SPATA6: variants seen among roughly 807,000 people sequenced by gnomAD.
SPATA6 encodes the protein spermatogenesis associated 6, also known as spermatogenesis-associated protein 6.
Under a neutral mutation model 65.3 loss-of-function variants are expected in SPATA6, and 56 were observed. The ratio of observed to expected loss-of-function variants is 0.86; its 90% CI spans 0.69 to 1.07. The LOEUF is 1.07. SPATA6 is among the 50% of genes least tolerant of loss of function. The pLI, the probability that SPATA6 is intolerant of heterozygous loss-of-function variation, is 0.00. For synonymous variants in SPATA6, 199 were observed against 213.2 expected (o/e 0.93, Z 0.58); for missense variants, 590 against 594.8 (o/e 0.99, Z 0.08).
chr1:48,356,006 A>T (rs888582155), intron 10 of SPATA6, among the ~76,000 whole-genome samples: 1 of 152,188 alleles, frequency 6.6e-6, no homozygotes, highest in African/African-American at 2.4e-5. Context: ...ATGCCTTTAC[A>T]TATAGTTCCT....
chr1:48,262,742 G>A, the SPATA6 span: 278 of 152,178 alleles, frequency 1.8e-3, 3 homozygotes, highest in African/African-American at 6.4e-3. Flanking sequence ...ATATTAGCAA[G>A]TTACCTCAAA....
At chr1:48,396,483 T>C (rs1344522936) in intron 7 of SPATA6, among the ~76,000 whole-genome samples, 1 of 151,700 alleles carries the variant, frequency 6.6e-6, no homozygotes, top group African/African-American at 2.4e-5. Flanking sequence ...ACAGCAACAT[T>C]ACTCATAATA....
intron 12 of SPATA6, 91 bp from the exon 13 acceptor site, chr1:48,298,984 G>T: frequency 1.6e-6 from 2 of 1,254,974 alleles, no homozygotes; most frequent in Non-Finnish European, 1.1e-6. Context: ...AGTACTCTAT[G>T]GCTATTTAAT....
chr1:48,445,497 A>G (rs1338053084), intron 3 of SPATA6, among the ~76,000 whole-genome samples: 1 of 151,870 alleles, frequency 6.6e-6, no homozygotes, highest in Non-Finnish European at 1.5e-5. Flanking sequence ...CGTCTCTACT[A>G]AAAATACAAA....
intron 1 of SPATA6, among the ~76,000 whole-genome samples, chr1:48,454,883 A>C (rs949783052): frequency 1.3e-5 from 2 of 152,200 alleles, no homozygotes; most frequent in Non-Finnish European, 2.9e-5. Flanking sequence ...ATACTATCAC[A>C]ATTATTAGAT....
intron 3 of SPATA6, among the ~76,000 whole-genome samples, chr1:48,416,656 C>T (rs767057025): frequency 1.4e-3 from 213 of 152,068 alleles, no homozygotes; most frequent in Non-Finnish European, 2.1e-3. Flanking sequence ...AAGAATACTT[C>T]TCAACTTATT....
At chr1:48,362,058 C>G (rs1646829375) in intron 9 of SPATA6, among the ~76,000 whole-genome samples, 1 of 151,970 alleles carries the variant, frequency 6.6e-6, no homozygotes, top group Non-Finnish European at 1.5e-5. Context: ...AACTTAAAAA[C>G]AAGATCAAGG....
intron 11 of SPATA6, among the ~76,000 whole-genome samples, chr1:48,323,672 T>C (rs6587862): frequency 0.44 from 63,800 of 146,344 alleles, 14,679 homozygotes; most frequent in African/African-American, 0.62. Context: ...AAACAGAAGG[T>C]ATTACAAAAG....
At chr1:48,362,905 G>A (rs1192416261) in intron 9 of SPATA6, among the ~76,000 whole-genome samples, 5 of 152,088 alleles carry the variant, frequency 3.3e-5, no homozygotes, top group African/African-American at 1.2e-4. Flanking sequence ...CTTAAATGCT[G>A]TAACTCAACA....
chr1:48,357,448 A>C (rs962766506), intron 10 of SPATA6, among the ~76,000 whole-genome samples: 1 of 152,148 alleles, frequency 6.6e-6, no homozygotes, highest in Admixed American at 6.5e-5. Flanking sequence ...AAATCTGTTT[A>C]TATACATGAT....
At chr1:48,316,783 T>C (rs1409878546) in intron 11 of SPATA6, among the ~76,000 whole-genome samples, 1 of 152,036 alleles carries the variant, frequency 6.6e-6, no homozygotes, top group Non-Finnish European at 1.5e-5. Context: ...AATCTACTAA[T>C]CTGACAAAGG....
At chr1:48,392,614 C>T (rs964099448) in intron 8 of SPATA6, among the ~76,000 whole-genome samples, 1 of 152,076 alleles carries the variant, frequency 6.6e-6, no homozygotes, top group African/African-American at 2.4e-5. Context: ...TATCAAGCCA[C>T]ATAACTTCTC....
chr1:48,441,611 A>C (rs570433608), intron 3 of SPATA6, among the ~76,000 whole-genome samples: 1 of 152,194 alleles, frequency 6.6e-6, no homozygotes, highest in East Asian at 1.9e-4. Flanking sequence ...CTCCAGCCCT[A>C]AGCCTTCCCA....
At chr1:48,394,005 A>G (rs1374540097) in intron 8 of SPATA6, among the ~76,000 whole-genome samples, 1 of 152,132 alleles carries the variant, frequency 6.6e-6, no homozygotes, top group Admixed American at 6.6e-5. Flanking sequence ...TCAGTCCATA[A>G]TAATATCCCT....
At chr1:48,367,928 T>C (rs1220858526) in intron 9 of SPATA6, among the ~76,000 whole-genome samples, 1 of 152,238 alleles carries the variant, frequency 6.6e-6, no homozygotes. Context: ...TTGCAGTGGC[T>C]GATACCAGTT....
intron 11 of SPATA6, among the ~76,000 whole-genome samples, chr1:48,328,120 A>G (rs1303104240): frequency 6.6e-6 from 1 of 152,132 alleles, no homozygotes; most frequent in Non-Finnish European, 1.5e-5. Flanking sequence ...TCAGAAGGGA[A>G]ATGTACATCA....
the SPATA6 span, among the ~76,000 whole-genome samples, chr1:48,279,421 T>C: frequency 6.6e-6 from 1 of 152,224 alleles, no homozygotes; most frequent in African/African-American, 2.4e-5. Flanking sequence ...ATCAGTGTGC[T>C]GTATTCAGCA....
At chr1:48,382,483 C>T (rs1244725902) in intron 9 of SPATA6, among the ~76,000 whole-genome samples, 1 of 125,538 alleles carries the variant, frequency 8.0e-6, no homozygotes, top group African/African-American at 3.1e-5. Context: ...ACCTCCCTCC[C>T]GGACGGGGCG....
chr1:48,347,896 G>A (rs1314998437), intron 11 of SPATA6, among the ~76,000 whole-genome samples: 1 of 151,914 alleles, frequency 6.6e-6, no homozygotes, highest in African/African-American at 2.4e-5. Context: ...CAGGAAGATT[G>A]TCTCAACACT....
Sources: allele counts gnomAD v4.1 joint callset (sites outside exome capture counted in the v4.1 genomes callset), GRCh38; gene constraint gnomAD v4.1.1; transcripts MANE v1.5; gene names NCBI Gene and HGNC (gene_info 2026-07-23, HGNC 2026-07-21).